FRMPD2: variants seen among roughly 807,000 people sequenced by gnomAD.
FRMPD2 encodes FERM and PDZ domain-containing protein 2.
Under a neutral mutation model 140.1 loss-of-function variants are expected in FRMPD2, and 96 were observed. That is an observed-to-expected ratio of 0.69 (90% CI 0.58 to 0.81). The LOEUF (loss-of-function observed/expected upper bound fraction) is 0.81, where lower values mean the gene tolerates loss of function less well. Among genes scored for constraint, FRMPD2 ranks in the 40% least tolerant of loss-of-function variants. The pLI is 0.00. For missense variants in FRMPD2, 1,240 were observed against 1,447.4 expected (o/e 0.86, Z 2.32); for synonymous variants, 449 against 547.6 (o/e 0.82, Z 2.52).
intron 16 of FRMPD2, among the ~76,000 whole-genome samples, chr10:48,188,796 A>G (rs571533013): frequency 1.3e-3 from 195 of 152,318 alleles, no homozygotes; most frequent in Non-Finnish European, 9.7e-4. Flanking sequence ...TGGGCCACAC[A>G]TGCAACCCTT....
intron 2 of FRMPD2, among the ~76,000 whole-genome samples, chr10:48,250,660 G>A (rs1019662993): frequency 1.3e-5 from 2 of 151,974 alleles, no homozygotes; most frequent in South Asian, 2.1e-4. Context: ...CACCCGCCTC[G>A]GTCTCCCAAA....
chr10:48,241,998 A>G lies in FRMPD2; in HGVS notation c.567+163T>C. ...TAGATCCACCCTGTTCAATAGGGTC[A>G]TCACCTGCTACGAGTGGCAACGGAG... On this transcript the variant is annotated intron_variant, in intron 5 of 28. Coordinates refer to ENST00000374201, the MANE Select transcript of FRMPD2 (RefSeq NM_001018071.4). The G allele has an allele frequency of 1.1e-5, 6 of 522,676 alleles. No homozygotes were observed. The South Asian group carries it at 1.9e-4, about 17-fold the overall frequency. 32.4% of individuals were successfully genotyped at this position (522,676 alleles called of 1,614,324 possible).
In FRMPD2 at chr10:48,213,434, C is replaced by A. The variant is rs79458128; in HGVS notation, c.1456-1325G>T. Among the ~76,000 whole-genome samples the A allele has an allele frequency of 2.5e-3, 385 of 152,316 alleles. 4 individuals carry two copies. In the East Asian group the frequency reaches 0.044, roughly 17 times the overall value. ...TACAGTTTGGTTGTTTTTCATAAAACTAAACATATGCTTACCATATGATTG... is the reference window on the plus strand; with the variant it reads ...TACAGTTTGGTTGTTTTTCATAAAAATAAACATATGCTTACCATATGATTG... On this transcript the variant is annotated intron_variant, in intron 12 of 28. Coordinates refer to ENST00000374201, the MANE Select transcript of FRMPD2 (RefSeq NM_001018071.4).
At chr10:48,256,392 T>C (rs1840490896) in intron 1 of FRMPD2, among the ~76,000 whole-genome samples, 1 of 152,236 alleles carries the variant, frequency 6.6e-6, no homozygotes. Flanking sequence ...TAAGGATCTC[T>C]GTTATCCCTA....
intron 1 of FRMPD2, among the ~76,000 whole-genome samples, chr10:48,269,909 G>A (rs1415177501): frequency 6.6e-6 from 1 of 152,166 alleles, no homozygotes; most frequent in Non-Finnish European, 1.5e-5. Flanking sequence ...CTGGTCTCAA[G>A]CTCTTCTCCT....
At chr10:48,192,572 A>T (rs1483326008) in intron 16 of FRMPD2, 112 bp downstream of exon 16, 1 of 982,486 alleles carries the variant, frequency 1.0e-6, no homozygotes, top group Non-Finnish European at 1.5e-6. Flanking sequence ...CCTGGGCAAC[A>T]AGAGCAAAAC....
At chr10:48,240,938 C>T (rs549423945) in intron 5 of FRMPD2, among the ~76,000 whole-genome samples, 4 of 152,330 alleles carry the variant, frequency 2.6e-5, no homozygotes, top group Admixed American at 2.0e-4. Flanking sequence ...GCTTTATGCA[C>T]CACCGTAGCA....
At chr10:48,217,297 C>G (rs570948862) in intron 12 of FRMPD2, among the ~76,000 whole-genome samples, 1 of 152,202 alleles carries the variant, frequency 6.6e-6, no homozygotes, top group Non-Finnish European at 1.5e-5. Context: ...AACACCCTTA[C>G]CCTCAGGTGT....
chr10:48,177,416 T>C (rs1407052877), intron 22 of FRMPD2: 1 of 151,560 alleles, frequency 6.6e-6, no homozygotes, highest in Non-Finnish European at 1.5e-5. Context: ...CAGCCTGTAA[T>C]GGATCACTTT....
At chr10:48,203,402 T>C (rs1405916861) in intron 14 of FRMPD2, among the ~76,000 whole-genome samples, 1 of 152,206 alleles carries the variant, frequency 6.6e-6, no homozygotes. Context: ...GTGTATACGA[T>C]GATGTATAAC....
intron 4 of FRMPD2, among the ~76,000 whole-genome samples, chr10:48,244,510 T>C (rs770013350): frequency 4.6e-5 from 7 of 152,206 alleles, no homozygotes; most frequent in Non-Finnish European, 7.4e-5. Context: ...TAGCTTGCTA[T>C]TAATACTTCC....
At chr10:48,233,268 G>A (rs995318434) in intron 9 of FRMPD2, among the ~76,000 whole-genome samples, 4 of 152,190 alleles carry the variant, frequency 2.6e-5, no homozygotes, top group African/African-American at 9.7e-5. Context: ...CTGTGGGAGG[G>A]GGTTTCACAC....
intron 16 of FRMPD2, among the ~76,000 whole-genome samples, chr10:48,190,911 C>T (rs1838813649): frequency 6.6e-6 from 1 of 152,206 alleles, no homozygotes; most frequent in Admixed American, 6.5e-5. Context: ...GGCCTTGAGT[C>T]AGTCATGGCT....
In FRMPD2 at chr10:48,271,824, C is replaced by T. The variant is rs1446262169; in HGVS notation, c.25+2719G>A. Among the ~76,000 whole-genome samples the T allele has an allele frequency of 2.6e-5, 4 of 152,182 alleles. No individual in the cohort carries two copies. The East Asian group carries it at 7.7e-4, about 29-fold the overall frequency. ...AGCATAGTGGCTGGAAGAGCAGGCTCCGAGGTCAGAGCTGGATTGATCCCA... is the reference window on the plus strand; with the variant it reads ...AGCATAGTGGCTGGAAGAGCAGGCTTCGAGGTCAGAGCTGGATTGATCCCA... On this transcript the variant is annotated intron_variant, in intron 1 of 28. Coordinates refer to ENST00000374201, the MANE Select transcript of FRMPD2 (RefSeq NM_001018071.4).
Position 48,201,302 on chromosome 10 carries a change from A to G in FRMPD2, c.1880T>C (p.Leu627Ser). Reference sequence around the variant, plus strand: ...ATGCTGGGCTGAGCAGAGGTCCAGTAAGTATTTACTGGTCTTGGCTGAATC... The same window carrying G: ...ATGCTGGGCTGAGCAGAGGTCCAGTGAGTATTTACTGGTCTTGGCTGAATC... ...VTDSAKTSKY[L>S]LDLCSAQHGF... Residue 627 changes from leucine to serine, a missense_variant, in exon 15 of 29, where the codon TTA becomes TCA. Physicochemically the swap from Leu to Ser is moderately radical, Grantham distance 145. Transcript: ENST00000374201. 6.2e-7 allele frequency: 1 copy of G among 1,613,914 alleles called. No homozygotes were observed. The highest frequency in any genetic ancestry group is 8.5e-7 in the Non-Finnish European group (1 of 1,179,814).
At chr10:48,250,088 C>T (rs1840340139) in intron 2 of FRMPD2, among the ~76,000 whole-genome samples, 1 of 152,200 alleles carries the variant, frequency 6.6e-6, no homozygotes, top group African/African-American at 2.4e-5. Flanking sequence ...CTACACAGGA[C>T]TCTAGCGGCC....
intron 1 of FRMPD2, among the ~76,000 whole-genome samples, chr10:48,258,120 T>C (rs918241807): frequency 6.6e-6 from 1 of 152,234 alleles, no homozygotes; most frequent in African/African-American, 2.4e-5. Flanking sequence ...TCCTTCGGTC[T>C]CTCTTCATTC....
intron 12 of FRMPD2, among the ~76,000 whole-genome samples, chr10:48,219,096 G>A (rs569123197): frequency 7.9e-5 from 12 of 152,244 alleles, no homozygotes; most frequent in Admixed American, 6.5e-4. Context: ...AGGTTGAGAC[G>A]GATGTGCAGA....
At chr10:48,251,897 T>A (rs1840392096) in intron 1 of FRMPD2, 2 of 554,520 alleles carry the variant, frequency 3.6e-6, no homozygotes, top group South Asian at 5.6e-5. Flanking sequence ...ACTGACCAGG[T>A]TGGCTGGTCG....
Sources: allele counts gnomAD v4.1 joint callset (sites outside exome capture counted in the v4.1 genomes callset), GRCh38; gene constraint gnomAD v4.1.1; transcripts MANE v1.5; gene names NCBI Gene and HGNC (gene_info 2026-07-23, HGNC 2026-07-21).